The following GZF1 variants were observed in gnomAD, a reference collection of about 807,000 sequenced individuals.
GZF1 encodes the protein GDNF-inducible zinc finger protein 1.
In GZF1, 28 loss-of-function variants were observed where a neutral mutation model predicts 49.4. The observed-to-expected ratio is 0.57, with a 90% CI of 0.42 to 0.78. The LOEUF (loss-of-function observed/expected upper bound fraction) is 0.78, where lower values mean the gene tolerates loss of function less well. GZF1 is among the 30% of genes least tolerant of loss of function. GZF1 has a pLI of 0.00. For missense variants in GZF1, 798 were observed against 916.2 expected, an observed-to-expected ratio of 0.87 and a Z score of 1.67; for synonymous variants, 364 against 356.0, an observed-to-expected ratio of 1.02 and a Z score of -0.25.
Position 23,369,647 on chromosome 20 carries a change from G to A in GZF1, c.1691G>A (p.Arg564His), listed in dbSNP as rs754196028. 1.9e-6 allele frequency: 3 copies of A among 1,613,434 alleles called. No individual in the cohort carries two copies. Among genetic ancestry groups the A allele is most frequent in the East Asian group, 2.2e-5 (1 of 44,814 alleles). ...TTCACCCAGCTCAACGCCCTCCAGC[G>A]CCACCGCCGCATCCACACAGGGGAG... ...KQFTQLNALQ[R>H]HRRIHTGERP... is the part of the protein sequence containing the mutation. The change falls in exon 5 of 6, where the codon CGC becomes CAC. Residue 564 changes from arginine to histidine, a missense_variant. Arg to His is a conservative substitution (Grantham distance 29). This residue lies in a region of GZF1 where 446 missense variants were observed against 540.1 expected (regional missense o/e 0.83). Transcript: ENST00000338121.
chr20:23,364,393 G>T lies in GZF1; in HGVS notation c.10G>T (p.Gly4Cys). The change falls in exon 2 of 6, where the codon GGT (glycine) becomes TGT (cysteine). Residue 4 changes from glycine (G) to cysteine (C), a missense_variant. Around this residue, in one of 3 missense-constraint regions of GZF1, gnomAD observed 105 missense variants for 147.5 expected, o/e 0.71. Coordinates refer to ENST00000338121, the MANE Select transcript of GZF1 (RefSeq NM_022482.5). MES[G>C]AVLLESKSSP... is the part of the protein sequence containing the mutation. ...TTTGGAAGGAAGAAAGATGGAAAGC[G>T]GTGCAGTTCTGCTGGAATCCAAATC... The T allele has an allele frequency of 1.3e-6, 2 of 1,565,678 alleles. No homozygotes were observed. Among genetic ancestry groups the T allele is most frequent in the Non-Finnish European group, 1.7e-6 (2 of 1,153,546 alleles).
chr20:23,369,277 A>G (rs1981781603), intron 4 of GZF1, among the ~76,000 whole-genome samples: 1 of 152,220 alleles, frequency 6.6e-6, no homozygotes, highest in African/African-American at 2.4e-5. Context: ...GCACACATGC[A>G]TATTCAGTTG....
Position 23,367,011 on chromosome 20 carries a change from C to G in GZF1, c.1373C>G (p.Thr458Arg). 1 of 1,609,090 alleles carries G rather than the reference C, an allele frequency of 6.2e-7. No individual in the cohort carries two copies. The highest frequency in any genetic ancestry group is 8.5e-7 in the Non-Finnish European group (1 of 1,175,944). ...GAATGTTGTACTTTCAGAATTCATA[C>G]AGGGGAAAAACCTTTTGTCTGTGAT... ...SALKTHMRIH[T>R]GEKPFVCDEC... Residue 458 changes from threonine (T) to arginine (R), a missense_variant, in exon 3 of 6, where the codon ACA becomes AGA. By Grantham distance (71) the Thr-to-Arg change is moderately conservative. Around this residue, in one of 3 missense-constraint regions of GZF1, gnomAD observed 446 missense variants for 540.1 expected, o/e 0.83. Transcript: ENST00000338121.
chr20:23,364,861 G>T lies in GZF1; in HGVS notation c.478G>T (p.Ala160Ser). The change falls in exon 2 of 6, where the codon GCT becomes TCT. Residue 160 changes from alanine to serine, a missense_variant. This residue lies in a region of GZF1 where 247 missense variants were observed against 228.5 expected (regional missense o/e 1.08). Transcript: ENST00000338121. ...EVSSGSQVSA[A>S]PAPRASVATD... ...GAGCAGTGGCTCCCAAGTTAGTGCT[G>T]CTCCTGCCCCCAGGGCAAGTGTGGC... is the stretch of plus-strand genomic sequence containing the variant. The T allele has an allele frequency of 1.2e-6, 2 of 1,614,200 alleles. No homozygotes were observed. The highest frequency in any genetic ancestry group is 2.2e-5 in the South Asian group (2 of 91,086).
At chr20:23,363,272 G>A (rs572784694) in intron 1 of GZF1, 16 of 152,528 alleles carry the variant, frequency 1.0e-4, no homozygotes, top group Admixed American at 7.2e-4. Flanking sequence ...AGGCTAGAAG[G>A]AAGGCATGTG....
intron 3 of GZF1, among the ~76,000 whole-genome samples, 156 bp from the exon 4 acceptor site, chr20:23,368,606 T>C (rs1178795383): frequency 2.0e-5 from 3 of 152,214 alleles, no homozygotes; most frequent in Admixed American, 1.3e-4. Context: ...GCATCTTACA[T>C]GAATATATAT....
Position 23,371,701 on chromosome 20 carries a change from G to A in GZF1, c.*1260G>A, listed in dbSNP as rs1421484914. 6.6e-6 allele frequency: 1 copy of A among 152,484 alleles called. No individual in the cohort carries two copies. The highest frequency in any genetic ancestry group is 1.5e-5 in the Non-Finnish European group (1 of 68,034). The allele number at this position is 152,484 out of a possible 1,614,324, so 9.4% of individuals were successfully genotyped here. A position where few individuals can be genotyped will look rare whatever the true frequency, so the allele number is the denominator to read the frequency against. On this transcript the variant is annotated 3_prime_UTR_variant, in exon 6 of 6. Transcript: ENST00000338121. ...GCTTGTGAAATGCTATGATTCACATGTAACATTTAAACATTAATTTAAAAA... is the reference window on the plus strand; with the variant it reads ...GCTTGTGAAATGCTATGATTCACATATAACATTTAAACATTAATTTAAAAA...
At chr20:23,365,878 C>T in intron 2 of GZF1, 131 bp downstream of exon 2, 1 of 1,359,204 alleles carries the variant, frequency 7.4e-7, no homozygotes, top group Non-Finnish European at 9.6e-7. Context: ...TTCGAGACAG[C>T]GTTTAGTTCT....
chr20:23,367,116 G>A lies in GZF1; in HGVS notation c.1459+19G>A, dbSNP rs766350074. The stretch of plus-strand genomic sequence containing the variant: ...CACACAGGTAAATACTCATGCTGTT[G>A]TGATTGAATGTCTTTCCTAGATCTA... On this transcript the variant is annotated intron_variant, in intron 3 of 5. Coordinates refer to ENST00000338121, the MANE Select transcript of GZF1 (RefSeq NM_022482.5). 2.0e-6 allele frequency: 3 copies of A among 1,471,084 alleles called. No individual in the cohort carries two copies. Among genetic ancestry groups the A allele is most frequent in the East Asian group, 4.5e-5 (2 of 44,128 alleles). The allele number at this position is 1,471,084 out of a possible 1,614,324, so 91.1% of individuals were successfully genotyped here.
In GZF1 at chr20:23,370,118, T is replaced by C. The variant is rs1002080294; in HGVS notation, c.1813T>C (p.Ser605Pro). 6.2e-7 allele frequency: 1 copy of C among 1,614,102 alleles called. No homozygotes were observed. Among genetic ancestry groups the C allele is most frequent in the African/African-American group, 1.3e-5 (1 of 75,060 alleles). The change falls in exon 6 of 6, where the codon TCT (serine) becomes CCT (proline). Residue 605 changes from serine to proline, a missense_variant. Coordinates refer to ENST00000338121, the MANE Select transcript of GZF1 (RefSeq NM_022482.5). ...ACACGATAAGAATACTCCATGGAAG[T>C]CTTTCCTTGTCATTGTAGATGGCTC... ...SIHDKNTPWK[S>P]FLVIVDGSPK...
chr20:23,365,548 A>C lies in GZF1; in HGVS notation c.1165A>C (p.Lys389Gln). Residue 389 changes from lysine to glutamine, a missense_variant, in exon 2 of 6, where the codon AAG (lysine) becomes CAG (glutamine). Transcript: ENST00000338121. ...GCTGTGCGGGAAGAAGTTCAAGCGC[A>C]AGAAGGACGTGAAGCGGCACGTGCT... ...CELCGKKFKR[K>Q]KDVKRHVLQV... The C allele has an allele frequency of 6.2e-7, 1 of 1,613,116 alleles. No homozygotes were observed. The highest frequency in any genetic ancestry group is 8.5e-7 in the Non-Finnish European group (1 of 1,179,740).
At chr20:23,365,813 C>G in intron 2 of GZF1, 66 bp downstream of exon 2, 1 of 1,442,278 alleles carries the variant, frequency 6.9e-7, no homozygotes, top group Middle Eastern at 1.8e-4. Context: ...CTGAGGTCGT[C>G]CTGGGATTTG....
At position 23,370,433 on chromosome 20, in the gene GZF1, A is replaced by G. The variant is rs751351947; in HGVS notation, c.2128A>G (p.Met710Val). 1.2e-6 allele frequency: 2 copies of G among 1,602,414 alleles called. No homozygotes were observed. The highest frequency in any genetic ancestry group is 1.7e-5 in the Admixed American group (1 of 59,862). The change falls in exon 6 of 6, where the codon ATG becomes GTG. Residue 710 changes from methionine (M) to valine (V), a missense_variant. Around this residue, in one of 3 missense-constraint regions of GZF1, gnomAD observed 446 missense variants for 540.1 expected, o/e 0.83. Coordinates refer to ENST00000338121, the MANE Select transcript of GZF1 (RefSeq NM_022482.5). ...MPTQLHSLSN[M>V]E The stretch of plus-strand genomic sequence containing the variant: ...CACACAGCTTCACTCTTTGAGCAAC[A>G]TGGAATAAGAGCTTCAAGCAGTTCC...
rs1982066504 is a variant in GZF1 at position 23,371,449 on chromosome 20, GA to G, written c.*1009del. 1 of 152,562 alleles carries G rather than the reference GA, an allele frequency of 6.6e-6. No individual in the cohort carries two copies. The allele number at this position is 152,562 out of a possible 1,614,324, so 9.5% of individuals were successfully genotyped here. A position where few individuals can be genotyped will look rare whatever the true frequency, so the allele number is the denominator to read the frequency against. ...GTAACTGACATGTCTATTTCCTTGG[GA>G]GCATGTGAGAACATAGCAGTAGGGA... On this transcript the variant is annotated 3_prime_UTR_variant, in exon 6 of 6. Transcript: ENST00000338121.
Position 23,370,131 on chromosome 20 carries a change from T to C in GZF1, c.1826T>C (p.Ile609Thr), listed in dbSNP as rs2123082119. 2 of 1,614,228 alleles carry C rather than the reference T, an allele frequency of 1.2e-6. No homozygotes were observed. Among genetic ancestry groups the C allele is most frequent in the Non-Finnish European group, 1.7e-6 (2 of 1,180,032 alleles). Residue 609 changes from isoleucine to threonine, a missense_variant, in exon 6 of 6, where the codon ATT becomes ACT. Physicochemically the swap from Ile to Thr is moderately conservative, Grantham distance 89 (BLOSUM62 -1). Around this residue, in one of 3 missense-constraint regions of GZF1, gnomAD observed 446 missense variants for 540.1 expected, o/e 0.83. Coordinates refer to ENST00000338121, the MANE Select transcript of GZF1 (RefSeq NM_022482.5). ...KNTPWKSFLV[I>T]VDGSPKNDDG... is the part of the protein sequence containing the mutation. ...ACTCCATGGAAGTCTTTCCTTGTCA[T>C]TGTAGATGGCTCGCCCAAGAACGAT...
rs909362464 is a variant in GZF1 at position 23,365,890 on chromosome 20, T to C, written c.1364+143T>C. On this transcript the variant is annotated intron_variant, in intron 2 of 5. Transcript: ENST00000338121. ...TATTTCGAGACAGCGTTTAGTTCTCTGTCAAGGTACAGGGGCTGCGAGTGA... is the reference window on the plus strand; with the variant it reads ...TATTTCGAGACAGCGTTTAGTTCTCCGTCAAGGTACAGGGGCTGCGAGTGA... 22 of 1,340,044 alleles carry C rather than the reference T, an allele frequency of 1.6e-5. 1 individual carries two copies. The African/African-American group carries it at 3.3e-4, about 20-fold the overall frequency. 83.0% of individuals were successfully genotyped at this position (1,340,044 alleles called of 1,614,324 possible). A position where few individuals can be genotyped will look rare whatever the true frequency, so the allele number is the denominator to read the frequency against.
rs1227208547 is a variant in GZF1, at chr20:23,365,598, G to GCGGC, written c.1216_1219dup (p.His407ProfsTer61). 6.2e-7 allele frequency: 1 copy of GCGGC among 1,608,558 alleles called. No individual in the cohort carries two copies. Among genetic ancestry groups the GCGGC allele is most frequent in the Admixed American group, 1.7e-5 (1 of 59,978 alleles). Reference sequence around the variant, plus strand: ...TGCAGGTGCATGAGGGCGGCGGCGAGCGGCACCGCTGCGGCCAGTGCGGCA... The same window carrying GCGGC: ...TGCAGGTGCATGAGGGCGGCGGCGAGCGGCCGGCACCGCTGCGGCCAGTGCGGCA... On this transcript the variant is annotated frameshift_variant, in exon 2 of 6. Coordinates refer to ENST00000338121, the MANE Select transcript of GZF1 (RefSeq NM_022482.5). LOFTEE classifies it high-confidence loss of function.
rs762062763 is a variant in GZF1, at chr20:23,367,105, C to T, written c.1459+8C>T. On this transcript the variant is annotated splice_region_variant and intron_variant, in intron 3 of 5. Coordinates refer to ENST00000338121, the MANE Select transcript of GZF1 (RefSeq NM_022482.5). ...ATAAAAGGTGTCACACAGGTAAATA[C>T]TCATGCTGTTGTGATTGAATGTCTT... 1 of 1,555,434 alleles carries T rather than the reference C, an allele frequency of 6.4e-7. No individual in the cohort carries two copies. The highest frequency in any genetic ancestry group is 1.7e-5 in the Admixed American group (1 of 59,888).
chr20:23,370,161 G>C lies in GZF1; in HGVS notation c.1856G>C (p.Gly619Ala). 6.2e-7 allele frequency: 1 copy of C among 1,614,236 alleles called. No homozygotes were observed. Among genetic ancestry groups the C allele is most frequent in the Non-Finnish European group, 8.5e-7 (1 of 1,180,044 alleles). Residue 619 changes from glycine (G) to alanine (A), a missense_variant, in exon 6 of 6, where the codon GGA becomes GCA. Physicochemically the swap from Gly to Ala is moderately conservative, Grantham distance 60. Around this residue, in one of 3 missense-constraint regions of GZF1, gnomAD observed 446 missense variants for 540.1 expected, o/e 0.83. Coordinates refer to ENST00000338121, the MANE Select transcript of GZF1 (RefSeq NM_022482.5). ...GATGGCTCGCCCAAGAACGATGACG[G>C]ACACAAGACTGAACAGCCTGACGAA... ...IVDGSPKNDD[G>A]HKTEQPDEEY...
Sources: gnomAD v4.1 joint callset for allele counts (sites outside exome capture counted in the v4.1 genomes callset) on GRCh38, gnomAD v4.1.1 for gene constraint, gnomAD v4.1.1 regional missense constraint, MANE v1.5 for transcripts, NCBI Gene and HGNC (gene_info 2026-07-23, HGNC 2026-07-21) for gene names.